The following PCDHAC1 variants were observed in gnomAD, a reference collection of about 807,000 sequenced individuals.
PCDHAC1 encodes the protein protocadherin alpha subfamily C, 1.
A neutral mutation model predicts 60.0 loss-of-function variants in PCDHAC1; 42 were observed. The observed-to-expected ratio is 0.70, with a 90% CI of 0.55 to 0.90. The LOEUF (loss-of-function observed/expected upper bound fraction) is 0.90. Ranked by LOEUF, PCDHAC1 falls within the 40% of genes least tolerant of loss-of-function variation. PCDHAC1 has a pLI of 0.00. For missense variants in PCDHAC1, 1,160 were observed against 1,222.3 expected (o/e 0.95, Z 0.76); for synonymous variants, 468 against 499.3 (o/e 0.94, Z 0.84).
At chr5:140,951,407 A>C (rs115221257) in intron 1 of PCDHAC1, among the ~76,000 whole-genome samples, 1 of 152,068 alleles carries the variant, frequency 6.6e-6, no homozygotes, top group Admixed American at 6.6e-5. Flanking sequence ...AAAGAGGTTT[A>C]ATTGGCTCAC....
At chr5:140,964,753 T>A (rs1411001872) in intron 1 of PCDHAC1, among the ~76,000 whole-genome samples, 1 of 149,084 alleles carries the variant, frequency 6.7e-6, no homozygotes, top group East Asian at 1.9e-4. Context: ...TGTAGGGATG[T>A]TTGGGGAGGA....
intron 1 of PCDHAC1, among the ~76,000 whole-genome samples, chr5:140,940,729 C>G (rs545285188): frequency 8.9e-4 from 136 of 152,326 alleles, no homozygotes; most frequent in African/African-American, 3.2e-3. Context: ...TTCAGCTGGA[C>G]AGCTCCATAT....
chr5:140,965,830 A>G (rs2095939833), intron 1 of PCDHAC1, among the ~76,000 whole-genome samples: 1 of 152,208 alleles, frequency 6.6e-6, no homozygotes, highest in African/African-American at 2.4e-5. Flanking sequence ...ACATTTAAAT[A>G]TTGGTTATTT....
rs191125107 is a variant in PCDHAC1 at position 140,991,229 on chromosome 5, G to A, written c.2581+8666G>A. 1.4e-3 allele frequency among the ~76,000 whole-genome samples: 211 copies of A among 152,246 alleles called. 1 individual carries two copies. The highest frequency in any genetic ancestry group is 4.8e-3 in the African/African-American group (201 of 41,560). On this transcript the variant is annotated intron_variant, in intron 3 of 3. Coordinates refer to ENST00000253807, the MANE Select transcript of PCDHAC1 (RefSeq NM_018898.5). ...AATTTTGTTAAATTCATTAATAAAT[G>A]CAGTGGTAAAGGCAGTATTTGAACT... is the stretch of plus-strand genomic sequence containing the variant.
intron 1 of PCDHAC1, chr5:140,967,384 G>A (rs1422023127): frequency 2.5e-6 from 4 of 1,609,080 alleles, no homozygotes; most frequent in Non-Finnish European, 3.4e-6. Flanking sequence ...ACAGTAAAGT[G>A]CTTGAGCTGG....
chr5:140,982,224 A>G (rs893184323), intron 2 of PCDHAC1: 8 of 587,202 alleles, frequency 1.4e-5, no homozygotes, highest in South Asian at 3.8e-5. Flanking sequence ...TGGCGTTAAT[A>G]AAAAACAGAA....
At chr5:140,987,232 A>G (rs1554248942) in intron 3 of PCDHAC1, among the ~76,000 whole-genome samples, 1 of 151,894 alleles carries the variant, frequency 6.6e-6, no homozygotes, top group African/African-American at 2.4e-5. Flanking sequence ...AAAAAATAAT[A>G]AATAAAGAAA....
intron 1 of PCDHAC1, among the ~76,000 whole-genome samples, chr5:140,941,211 C>CTCT (rs2092852939): frequency 7.7e-6 from 1 of 129,628 alleles, no homozygotes; most frequent in East Asian, 2.4e-4. Context: ...TCCTTTCTTT[C>CTCT]TTCCTTTCTT....
rs782333249 is a variant in PCDHAC1 at position 140,978,931 on chromosome 5, CTCTT to C, written c.2434-16_2434-13del. On this transcript the variant is annotated splice_polypyrimidine_tract_variant and intron_variant, in intron 1 of 3. Coordinates refer to ENST00000253807, the MANE Select transcript of PCDHAC1 (RefSeq NM_018898.5). ...TGTCTTGTCATTTTAACAGAAAACTCTCTTTGTGATTTTGCAGCCACGACAGCCC... is the reference window on the plus strand; with the variant it reads ...TGTCTTGTCATTTTAACAGAAAACTCTGTGATTTTGCAGCCACGACAGCCC... 4.3e-6 allele frequency: 7 copies of C among 1,614,126 alleles called. No individual in the cohort carries two copies. The Admixed American group carries it at 6.7e-5, about 15-fold the overall frequency.
At chr5:140,967,239 G>C in intron 1 of PCDHAC1, 1 of 1,613,672 alleles carries the variant, frequency 6.2e-7, no homozygotes, top group Non-Finnish European at 8.5e-7. Flanking sequence ...CTTCAGGTAA[G>C]CGAATCGGTG....
chr5:140,965,299 C>A (rs1295211520), intron 1 of PCDHAC1, among the ~76,000 whole-genome samples: 4 of 152,134 alleles, frequency 2.6e-5, no homozygotes, highest in African/African-American at 7.2e-5. Context: ...TTCCTCTGAT[C>A]CTTCTACCTT....
chr5:140,989,575 G>A (rs2097349164), intron 3 of PCDHAC1, among the ~76,000 whole-genome samples: 3 of 152,210 alleles, frequency 2.0e-5, no homozygotes. Flanking sequence ...GGCAAGCCCT[G>A]TCCTCAGCCT....
intron 1 of PCDHAC1, among the ~76,000 whole-genome samples, chr5:140,976,681 A>T (rs2096726641): frequency 6.6e-6 from 1 of 152,206 alleles, no homozygotes; most frequent in Non-Finnish European, 1.5e-5. Context: ...TCATTTTTGC[A>T]ATTTAAGTAC....
chr5:140,929,613 C>G (rs1485250435), intron 1 of PCDHAC1: 2 of 406,044 alleles, frequency 4.9e-6, no homozygotes, highest in Admixed American at 8.8e-5. Flanking sequence ...AATAAAATAC[C>G]AAAATATTTT....
chr5:140,966,916 G>A lies in PCDHAC1; in HGVS notation c.2434-12033G>A, dbSNP rs1554228883. On this transcript the variant is annotated intron_variant, in intron 1 of 3. Coordinates refer to ENST00000253807, the MANE Select transcript of PCDHAC1 (RefSeq NM_018898.5). Reference sequence around the variant, plus strand: ...CCCAGCTGCGATACTCTGTGCCAGAGGAGCAGGCACCCGGCGCGCTCGTGG... The same window carrying A: ...CCCAGCTGCGATACTCTGTGCCAGAAGAGCAGGCACCCGGCGCGCTCGTGG... 13 of 1,602,486 alleles carry A rather than the reference G, an allele frequency of 8.1e-6. No individual in the cohort carries two copies. In the South Asian group the frequency reaches 1.4e-4, roughly 18 times the overall value.
At chr5:140,992,236 G>A (rs1431521103) in intron 3 of PCDHAC1, among the ~76,000 whole-genome samples, 1 of 152,168 alleles carries the variant, frequency 6.6e-6, no homozygotes, top group African/African-American at 2.4e-5. Context: ...GAAGAGTAAG[G>A]AAGGAAGTAG....
At chr5:140,970,909 A>G (rs1356718314) in intron 1 of PCDHAC1, among the ~76,000 whole-genome samples, 1 of 152,180 alleles carries the variant, frequency 6.6e-6, no homozygotes, top group African/African-American at 2.4e-5. Context: ...AGATTTATTC[A>G]TTTATCAGAA....
At chr5:140,949,167 T>C (rs2094348737) in intron 1 of PCDHAC1, among the ~76,000 whole-genome samples, 1 of 151,798 alleles carries the variant, frequency 6.6e-6, no homozygotes, top group Admixed American at 6.6e-5. Flanking sequence ...AATTCTCTTT[T>C]GGTCAGAGAA....
intron 1 of PCDHAC1, among the ~76,000 whole-genome samples, chr5:140,945,754 G>T (rs1206591237): frequency 1.3e-5 from 2 of 152,078 alleles, no homozygotes; most frequent in African/African-American, 4.8e-5. Context: ...TTCAATAAAT[G>T]GTGGTGGGAC....
Sources: allele counts gnomAD v4.1 joint callset (sites outside exome capture counted in the v4.1 genomes callset), GRCh38; gene constraint gnomAD v4.1.1; transcripts MANE v1.5; gene names NCBI Gene and HGNC (gene_info 2026-07-23, HGNC 2026-07-21).